Variants in RPF2 observed in about 807,000 individuals in gnomAD.
The protein encoded by RPF2 is ribosome production factor 2 homolog.
Under a neutral mutation model 38.9 loss-of-function variants are expected in RPF2, and 21 were observed. That is an observed-to-expected ratio of 0.54 (90% CI 0.38 to 0.78). The LOEUF is 0.78. RPF2 is among the 30% of genes least tolerant of loss of function. The pLI is 0.00. For missense variants in RPF2, 314 were observed against 358.1 expected (o/e 0.88, Z 0.99); for synonymous variants, 121 against 126.2 (o/e 0.96, Z 0.28).
At chr6:110,997,624 C>G (rs953519776) in intron 5 of RPF2, among the ~76,000 whole-genome samples, 1 of 152,010 alleles carries the variant, frequency 6.6e-6, no homozygotes, top group African/African-American at 2.4e-5. Context: ...GCCTGTAGTC[C>G]AGCTACTCAG....
At chr6:111,012,161 C>CTTT (rs1303897053) in intron 7 of RPF2, among the ~76,000 whole-genome samples, 3 of 124,578 alleles carry the variant, frequency 2.4e-5, no homozygotes, top group East Asian at 4.2e-4. Flanking sequence ...TTGTTTACAT[C>CTTT]ATTTTTTTTT....
intron 4 of RPF2, 30 bp downstream of exon 4, chr6:110,991,816 A>T (rs1333371561): frequency 2.2e-6 from 2 of 928,510 alleles, no homozygotes; most frequent in Non-Finnish European, 3.2e-6. Context: ...TGATTTAAGA[A>T]AGCATATAAG....
chr6:110,989,810 A>G (rs1771588285), intron 3 of RPF2, among the ~76,000 whole-genome samples: 1 of 151,944 alleles, frequency 6.6e-6, no homozygotes, highest in East Asian at 1.9e-4. Context: ...TTTAATAGAG[A>G]CAGGGTTTCA....
At chr6:111,008,771 C>A (rs1255317183) in intron 7 of RPF2, among the ~76,000 whole-genome samples, 1 of 151,932 alleles carries the variant, frequency 6.6e-6, no homozygotes, top group Non-Finnish European at 1.5e-5. Flanking sequence ...GGTTTATTGC[C>A]AATATATTAT....
At chr6:111,020,391 A>G (rs1257344325) in intron 8 of RPF2, among the ~76,000 whole-genome samples, 2 of 152,208 alleles carry the variant, frequency 1.3e-5, no homozygotes, top group African/African-American at 2.4e-5. Flanking sequence ...AGATAAAAAT[A>G]TAACGGTAAA....
intron 7 of RPF2, among the ~76,000 whole-genome samples, chr6:111,010,622 G>T (rs550257431): frequency 3.9e-5 from 6 of 152,218 alleles, no homozygotes; most frequent in African/African-American, 1.4e-4. Flanking sequence ...TATTCCATTT[G>T]AGCTTTTCTT....
At chr6:111,012,526 G>A (rs904661264) in intron 7 of RPF2, among the ~76,000 whole-genome samples, 1 of 152,084 alleles carries the variant, frequency 6.6e-6, no homozygotes, top group Non-Finnish European at 1.5e-5. Flanking sequence ...ATTTGGAGTA[G>A]AGGAATTTTT....
Position 111,025,699 on chromosome 6 carries a change from T to G in RPF2, c.*117T>G. 1.4e-6 allele frequency: 1 copy of G among 733,452 alleles called. No homozygotes were observed. The highest frequency in any genetic ancestry group is 2.8e-5 in the East Asian group (1 of 35,672). The allele number at this position is 733,452 out of a possible 1,614,324, so 45.4% of individuals were successfully genotyped here. ...TATATATTTTTATAACATGATAATTTTACGATATATTATTATGAACAGTAA... is the reference window on the plus strand; with the variant it reads ...TATATATTTTTATAACATGATAATTGTACGATATATTATTATGAACAGTAA... On this transcript the variant is annotated 3_prime_UTR_variant, in exon 10 of 10. Coordinates refer to ENST00000441448, the MANE Select transcript of RPF2 (RefSeq NM_032194.3).
At chr6:111,021,666 T>A (rs927600103) in intron 8 of RPF2, among the ~76,000 whole-genome samples, 2 of 152,146 alleles carry the variant, frequency 1.3e-5, no homozygotes, top group African/African-American at 4.8e-5. Context: ...CCCCCTAAGA[T>A]TGACAGTACT....
At chr6:110,988,566 G>A (rs927976301) in intron 2 of RPF2, among the ~76,000 whole-genome samples, 1 of 152,018 alleles carries the variant, frequency 6.6e-6, no homozygotes, top group Non-Finnish European at 1.5e-5. Flanking sequence ...CTCCCAAGTA[G>A]CTGGGACTGC....
chr6:111,005,851 G>A (rs904603865), intron 6 of RPF2, among the ~76,000 whole-genome samples: 14 of 151,696 alleles, frequency 9.2e-5, no homozygotes, highest in African/African-American at 2.9e-4. Flanking sequence ...AGTCTCTGTC[G>A]CCCAGGCTGG....
chr6:111,012,162 A>ATTTTTTTTTTT (rs570516659), intron 7 of RPF2, among the ~76,000 whole-genome samples: 3 of 115,626 alleles, frequency 2.6e-5, no homozygotes, highest in East Asian at 2.9e-4. Context: ...TGTTTACATC[A>ATTTTTTTTTTT]TTTTTTTTTT....
intron 8 of RPF2, among the ~76,000 whole-genome samples, chr6:111,018,113 T>C (rs2114349007): frequency 6.8e-6 from 1 of 146,430 alleles, no homozygotes; most frequent in Admixed American, 7.1e-5. Flanking sequence ...CTCGGCAGGC[T>C]GAGGCAGGAG....
intron 8 of RPF2, among the ~76,000 whole-genome samples, chr6:111,019,437 G>GA (rs1419646740): frequency 8.6e-5 from 13 of 151,866 alleles, no homozygotes; most frequent in African/African-American, 1.2e-4. Flanking sequence ...GAGACTGTCT[G>GA]AAAAAAACAA....
At chr6:110,994,335 G>A (rs1321417237) in intron 4 of RPF2, among the ~76,000 whole-genome samples, 4 of 151,514 alleles carry the variant, frequency 2.6e-5, no homozygotes, top group African/African-American at 7.3e-5. Flanking sequence ...CTCTAATCCC[G>A]TTGTTTTGGT....
chr6:111,019,952 T>C (rs1772201573), intron 8 of RPF2, among the ~76,000 whole-genome samples: 1 of 151,766 alleles, frequency 6.6e-6, no homozygotes, highest in East Asian at 1.9e-4. Flanking sequence ...TCTCGCTATG[T>C]TGCCCAGGCT....
rs1772333437 is a variant in RPF2 at position 111,026,677 on chromosome 6, T to C, written c.*1095T>C. 1 of 152,208 alleles carries C rather than the reference T, an allele frequency of 6.6e-6. No individual in the cohort carries two copies. Among genetic ancestry groups the C allele is most frequent in the Non-Finnish European group, 1.5e-5 (1 of 68,034 alleles). The allele number at this position is 152,208 out of a possible 1,614,324, so 9.4% of individuals were successfully genotyped here. A position where few individuals can be genotyped will look rare whatever the true frequency, so the allele number is the denominator to read the frequency against. On this transcript the variant is annotated 3_prime_UTR_variant, in exon 10 of 10. Coordinates refer to ENST00000441448, the MANE Select transcript of RPF2 (RefSeq NM_032194.3). ...AGCCTAACTACTTGTTTTGAAAGTT[T>C]CTTGAAGACAGGCCTTGTGCCTAGG...
intron 4 of RPF2, among the ~76,000 whole-genome samples, chr6:110,995,760 C>T (rs1465605571): frequency 6.6e-6 from 1 of 152,054 alleles, no homozygotes; most frequent in Non-Finnish European, 1.5e-5. Flanking sequence ...TTTTAGTACT[C>T]TGAAATCTGT....
At chr6:110,997,514 G>A (rs1771736875) in intron 5 of RPF2, among the ~76,000 whole-genome samples, 1 of 152,168 alleles carries the variant, frequency 6.6e-6, no homozygotes, top group Admixed American at 6.5e-5. Context: ...GGCGAGGTGG[G>A]TGGATCATTT....
Sources: allele counts gnomAD v4.1 joint callset (sites outside exome capture counted in the v4.1 genomes callset), GRCh38; gene constraint gnomAD v4.1.1; transcripts MANE v1.5; gene names NCBI Gene and HGNC (gene_info 2026-07-23, HGNC 2026-07-21).